Variants in ZNF440 observed in about 807,000 individuals in gnomAD.
ZNF440 encodes zinc finger protein 440.
In ZNF440, 47 loss-of-function variants were observed where a neutral mutation model predicts 49.7. The observed-to-expected ratio is 0.95, with a 90% CI of 0.75 to 1.21. The LOEUF is 1.21. Among genes scored for constraint, ZNF440 ranks in the 50% most tolerant of loss-of-function variants. The probability of loss-of-function intolerance (pLI) is 0.00; values close to 1 mark genes in which losing one functional copy is unlikely to be tolerated. For synonymous variants in ZNF440, 255 were observed against 237.7 expected, an observed-to-expected ratio of 1.07 and a Z score of -0.67; for missense variants, 703 against 715.0, an observed-to-expected ratio of 0.98 and a Z score of 0.19.
intron 1 of ZNF440, among the ~76,000 whole-genome samples, chr19:11,828,041 G>T (rs368174157): frequency 8.5e-5 from 13 of 152,176 alleles, no homozygotes; most frequent in African/African-American, 2.4e-4. Context: ...TTGAATTGCC[G>T]ACGTGTGAAA....
chr19:11,819,361 G>C (rs1025732251), intron 1 of ZNF440, among the ~76,000 whole-genome samples: 3 of 151,752 alleles, frequency 2.0e-5, no homozygotes, highest in African/African-American at 7.3e-5. Context: ...AGATAATTTA[G>C]AGATTAAATT....
chr19:11,830,837 G>A (rs1975927919), intron 3 of ZNF440, among the ~76,000 whole-genome samples, 160 bp downstream of exon 3: 1 of 152,214 alleles, frequency 6.6e-6, no homozygotes, highest in Admixed American at 6.5e-5. Context: ...GACCTAGGCT[G>A]TGGGCTCACT....
In ZNF440 at chr19:11,834,000, A is replaced by C. The variant is rs1341741137; in HGVS notation, c.*1036A>C. 1 of 261,550 alleles carries C rather than the reference A, an allele frequency of 3.8e-6. No homozygotes were observed. The highest frequency in any genetic ancestry group is 8.0e-5 in the East Asian group (1 of 12,510). 16.2% of individuals were successfully genotyped at this position (261,550 alleles called of 1,614,324 possible). ...GTATTAGATCAGCCTTATACTGTTAAATTGTTATTATTTGGACATTGTGAG... is the reference window on the plus strand; with the variant it reads ...GTATTAGATCAGCCTTATACTGTTACATTGTTATTATTTGGACATTGTGAG... On this transcript the variant is annotated 3_prime_UTR_variant, in exon 4 of 4. Coordinates refer to ENST00000304060, the MANE Select transcript of ZNF440 (RefSeq NM_152357.3).
At chr19:11,829,758 A>G (rs1236122659) in intron 1 of ZNF440, among the ~76,000 whole-genome samples, 1 of 151,492 alleles carries the variant, frequency 6.6e-6, no homozygotes, top group African/African-American at 2.4e-5. Context: ...GCATGAACCC[A>G]GGAGTAAGAG....
intron 1 of ZNF440, among the ~76,000 whole-genome samples, chr19:11,826,581 G>A (rs993229137): frequency 1.3e-5 from 2 of 152,008 alleles, no homozygotes; most frequent in Non-Finnish European, 2.9e-5. Context: ...GCATTTGGAA[G>A]TGTCAGTGTT....
rs1568245476 is a variant in ZNF440, at chr19:11,833,229, A to G, written c.*265A>G. 2.1e-6 allele frequency: 2 copies of G among 943,544 alleles called. No individual in the cohort carries two copies. Among genetic ancestry groups the G allele is most frequent in the Non-Finnish European group, 3.2e-6 (2 of 624,818 alleles). 58.4% of individuals were successfully genotyped at this position (943,544 alleles called of 1,614,324 possible). ...TTTCATAAAAGGACACACACTGGAG[A>G]GAAACCCTGTGAATGTAAGAAATGT... is the stretch of plus-strand genomic sequence containing the variant. On this transcript the variant is annotated 3_prime_UTR_variant, in exon 4 of 4. Coordinates refer to ENST00000304060, the MANE Select transcript of ZNF440 (RefSeq NM_152357.3).
intron 1 of ZNF440, among the ~76,000 whole-genome samples, chr19:11,815,289 C>CACAT (rs1486550794): frequency 7.0e-6 from 1 of 143,808 alleles, no homozygotes; most frequent in Non-Finnish European, 1.5e-5. Context: ...CTCCGTCACA[C>CACAT]ACACACACAC....
At chr19:11,819,417 G>C (rs1406629277) in intron 1 of ZNF440, among the ~76,000 whole-genome samples, 2 of 151,352 alleles carry the variant, frequency 1.3e-5, no homozygotes, top group Non-Finnish European at 2.9e-5. Context: ...GATTTTTTTT[G>C]AGACACAATC....
At chr19:11,824,781 C>G (rs1346269647) in intron 1 of ZNF440, among the ~76,000 whole-genome samples, 2 of 149,232 alleles carry the variant, frequency 1.3e-5, no homozygotes, top group Non-Finnish European at 3.0e-5. Context: ...GATCTCGGCT[C>G]ACTGCAACCT....
chr19:11,825,864 G>A (rs1231778423), intron 1 of ZNF440, among the ~76,000 whole-genome samples: 1 of 141,428 alleles, frequency 7.1e-6, no homozygotes, highest in Non-Finnish European at 1.5e-5. Flanking sequence ...TGCCCAGGCT[G>A]GAGTTCATTG....
intron 1 of ZNF440, among the ~76,000 whole-genome samples, chr19:11,825,174 T>A (rs1288608923): frequency 6.6e-6 from 1 of 151,842 alleles, no homozygotes; most frequent in East Asian, 1.9e-4. Flanking sequence ...AAATAAAAAA[T>A]AATAAAAAAT....
rs1282657299 is a variant in ZNF440, at chr19:11,832,790, G to A, written c.1614G>A (p.Leu538=). 1.2e-6 allele frequency: 2 copies of A among 1,613,714 alleles called. No individual in the cohort carries two copies. Among genetic ancestry groups the A allele is most frequent in the South Asian group, 1.1e-5 (1 of 91,044 alleles). ...QSFECMVGLT[L]KRNPMSVSND... is the part of the protein sequence containing the mutation. Reference sequence around the variant, plus strand: ...TTGAATGCATGGTAGGACTCACCCTGAAGAGAAACCCTATGAGTGTGAGCA... The same window carrying A: ...TTGAATGCATGGTAGGACTCACCCTAAAGAGAAACCCTATGAGTGTGAGCA... The change falls in exon 4 of 4, where the codon CTG becomes CTA. Residue 538 remains leucine, a synonymous_variant. Transcript: ENST00000304060.
rs1417920192 is a variant in ZNF440, at chr19:11,832,689, A to G, written c.1513A>G (p.Met505Val). The change falls in exon 4 of 4, where the codon ATG becomes GTG. Residue 505 changes from methionine (M) to valine (V), a missense_variant. Met to Val is a conservative substitution (Grantham distance 21). Transcript: ENST00000304060. ...PSVVPVPFDI[M>V]KGLTLERSPI... is the part of the protein sequence containing the mutation. ...AGTAGTTCCAGTTCCTTTTGATATC[A>G]TGAAAGGACTCACACTGGAGAGAAG... 6.2e-7 allele frequency: 1 copy of G among 1,614,042 alleles called. No individual in the cohort carries two copies.
chr19:11,815,845 G>C (rs1193076718), intron 1 of ZNF440: 1 of 152,278 alleles, frequency 6.6e-6, no homozygotes, highest in Non-Finnish European at 1.5e-5. Flanking sequence ...GGCGGTTGCA[G>C]TCAGCCAAGA....
At chr19:11,820,700 A>G (rs1458596506) in intron 1 of ZNF440, among the ~76,000 whole-genome samples, 1 of 152,170 alleles carries the variant, frequency 6.6e-6, no homozygotes, top group Non-Finnish European at 1.5e-5. Context: ...TATGCTCTTC[A>G]TCTACATAAC....
Position 11,831,608 on chromosome 19 carries a change from T to G in ZNF440, c.432T>G (p.Cys144Trp), listed in dbSNP as rs920133183. Residue 144 changes from cysteine (C) to tryptophan (W), a missense_variant, in exon 4 of 4, where the codon TGT (cysteine) becomes TGG (tryptophan). Transcript: ENST00000304060. ...YEYQEYGPKP[C>W]KCQQPKKAFR... ...ATCAGGAATATGGACCAAAGCCATGTAAGTGTCAACAACCTAAAAAAGCCT... is the reference window on the plus strand; with the variant it reads ...ATCAGGAATATGGACCAAAGCCATGGAAGTGTCAACAACCTAAAAAAGCCT... 4 of 1,614,044 alleles carry G rather than the reference T, an allele frequency of 2.5e-6. No individual in the cohort carries two copies. The highest frequency in any genetic ancestry group is 1.3e-5 in the African/African-American group (1 of 74,930).
chr19:11,822,851 A>G (rs1197341358), intron 1 of ZNF440, among the ~76,000 whole-genome samples: 1 of 151,680 alleles, frequency 6.6e-6, no homozygotes, highest in Non-Finnish European at 1.5e-5. Flanking sequence ...CCGTTAAAAA[A>G]AAAAAAAAAA....
At chr19:11,828,082 A>G (rs1473227322) in intron 1 of ZNF440, among the ~76,000 whole-genome samples, 2 of 152,234 alleles carry the variant, frequency 1.3e-5, no homozygotes, top group Non-Finnish European at 2.9e-5. Flanking sequence ...CTTGAGCAGT[A>G]GGATATAAAT....
chr19:11,829,034 AC>A (rs1203689874), intron 1 of ZNF440, among the ~76,000 whole-genome samples: 1 of 152,102 alleles, frequency 6.6e-6, no homozygotes, highest in Non-Finnish European at 1.5e-5. Context: ...GTATATGCTT[AC>A]CACATTTTGT....
Sources: gnomAD v4.1 joint callset for allele counts (sites outside exome capture counted in the v4.1 genomes callset) on GRCh38, gnomAD v4.1.1 for gene constraint, MANE v1.5 for transcripts, NCBI Gene and HGNC (gene_info 2026-07-23, HGNC 2026-07-21) for gene names.